Variants in TFDP2 observed in about 807,000 individuals in gnomAD.
TFDP2 encodes transcription factor Dp-2 (E2F dimerization partner 2).
TFDP2 carries 17 observed loss-of-function variants against 59.3 expected under a neutral mutation model. The observed-to-expected ratio is 0.29, with a 90% confidence interval of 0.20 to 0.43. The LOEUF is 0.43. Among genes scored for constraint, TFDP2 ranks in the 20% least tolerant of loss-of-function variants. TFDP2 has a pLI of 1.00. For missense variants in TFDP2, 391 were observed against 528.8 expected, an observed-to-expected ratio of 0.74 and a Z score of 2.56; for synonymous variants, 180 against 194.7, an observed-to-expected ratio of 0.92 and a Z score of 0.63.
At chr3:142,013,769 A>G (rs1204136968) in intron 3 of TFDP2, among the ~76,000 whole-genome samples, 3 of 130,338 alleles carry the variant, frequency 2.3e-5, no homozygotes, top group Non-Finnish European at 5.5e-5. Context: ...TAGACACCAC[A>G]TATTTTTTTT....
intron 3 of TFDP2, chr3:142,043,742 G>C: frequency 2.7e-6 from 4 of 1,477,366 alleles, no homozygotes; most frequent in Non-Finnish European, 3.8e-6. Flanking sequence ...GCCTCAGCCT[G>C]GTCAGCCAGG....
At chr3:142,006,682 G>A (rs1052747700) in intron 3 of TFDP2, among the ~76,000 whole-genome samples, 2 of 151,934 alleles carry the variant, frequency 1.3e-5, no homozygotes, top group Non-Finnish European at 2.9e-5. Context: ...GCCCAGCCTG[G>A]TCTCAAACTC....
Position 142,149,274 on chromosome 3 carries a change from G to A in TFDP2, c.-184C>T, listed in dbSNP as rs747260282. On this transcript the variant is annotated 5_prime_UTR_variant, in exon 1 of 13. Coordinates refer to ENST00000489671, the MANE Select transcript of TFDP2 (RefSeq NM_001178139.2). The stretch of plus-strand genomic sequence containing the variant: ...GGGCGCCGCCGCTTCTGTGGCGCCC[G>A]CGCTTAGGCGGCGGCCGGGTCCCGG... 5.0e-6 allele frequency: 2 copies of A among 396,640 alleles called. No homozygotes were observed. Among genetic ancestry groups the A allele is most frequent in the Non-Finnish European group, 8.9e-6 (2 of 224,742 alleles). 24.6% of individuals were successfully genotyped at this position (396,640 alleles called of 1,614,324 possible).
rs1329083023 is a variant in TFDP2, at chr3:141,948,579, C to T, written c.*3934G>A. The T allele has an allele frequency of 2.0e-5, 3 of 152,736 alleles. No homozygotes were observed. Among genetic ancestry groups the T allele is most frequent in the Non-Finnish European group, 4.4e-5 (3 of 68,796 alleles). 9.5% of individuals were successfully genotyped at this position (152,736 alleles called of 1,614,324 possible). A position where few individuals can be genotyped will look rare whatever the true frequency, so the allele number is the denominator to read the frequency against. On this transcript the variant is annotated 3_prime_UTR_variant, in exon 13 of 13. Transcript: ENST00000489671. ...AAGCTAAATAGGCTCCCCACCGTGC[C>T]CCCCTCTCTCAGTGTGGTTATGGCA...
At chr3:141,969,554 G>A (rs1460137461) in intron 9 of TFDP2, among the ~76,000 whole-genome samples, 1 of 151,978 alleles carries the variant, frequency 6.6e-6, no homozygotes, top group African/African-American at 2.4e-5. Flanking sequence ...AGAGGTTACA[G>A]TGAGCCAAGA....
chr3:142,088,317 T>A (rs1004197309), intron 3 of TFDP2, among the ~76,000 whole-genome samples: 2 of 149,434 alleles, frequency 1.3e-5, no homozygotes, highest in African/African-American at 4.9e-5. Flanking sequence ...AGTCCAGCTA[T>A]CTTTTTTTTT....
intron 3 of TFDP2, among the ~76,000 whole-genome samples, chr3:142,075,619 C>T (rs1443064973): frequency 1.3e-5 from 2 of 151,164 alleles, no homozygotes; most frequent in African/African-American, 4.9e-5. Flanking sequence ...ATCCAGGCCA[C>T]ACATGGTGTC....
chr3:142,058,021 A>C (rs1211510058), intron 3 of TFDP2, among the ~76,000 whole-genome samples: 1 of 152,206 alleles, frequency 6.6e-6, no homozygotes, highest in Non-Finnish European at 1.5e-5. Flanking sequence ...AATAGTCACA[A>C]TTATCTTACA....
In TFDP2 at chr3:141,978,037, C is replaced by CA. The variant is rs542596884; in HGVS notation, c.519+482dup. Among the ~76,000 whole-genome samples, 1,151 of 142,080 alleles carry CA rather than the reference C, an allele frequency of 8.1e-3. 10 individuals carry two copies. Among genetic ancestry groups the CA allele is most frequent in the South Asian group, 0.012 (48 of 4,096 alleles). 93.2% of individuals were successfully genotyped at this position (142,080 alleles called of 152,430 possible). ...ATATTTTTTAAATGTTAAAAAAAAACAAAAAAAAACAAAAAAAACAACTAA... is the reference window on the plus strand; with the variant it reads ...ATATTTTTTAAATGTTAAAAAAAAACAAAAAAAAAACAAAAAAAACAACTAA... On this transcript the variant is annotated intron_variant, in intron 7 of 12. Coordinates refer to ENST00000489671, the MANE Select transcript of TFDP2 (RefSeq NM_001178139.2).
At chr3:142,059,902 T>G (rs1368764397) in intron 3 of TFDP2, among the ~76,000 whole-genome samples, 2 of 152,126 alleles carry the variant, frequency 1.3e-5, no homozygotes, top group Non-Finnish European at 2.9e-5. Context: ...TTTCTTTCCT[T>G]CTATTTGGAA....
rs956574179 is a variant in TFDP2, at chr3:142,132,486, C to A, written c.-93+16697G>T. ...GGTGTGGTGGCTCACACCTGTAATT[C>A]CAGCACTTTGAGACTCTGAGAGGCT... On this transcript the variant is annotated intron_variant, in intron 1 of 12. Coordinates refer to ENST00000489671, the MANE Select transcript of TFDP2 (RefSeq NM_001178139.2). Among the ~76,000 whole-genome samples, 11 of 149,602 alleles carry A rather than the reference C, an allele frequency of 7.4e-5. 1 individual carries two copies. The highest frequency in any genetic ancestry group is 1.3e-4 in the Admixed American group (2 of 15,184).
chr3:141,989,676 C>T lies in TFDP2; in HGVS notation c.356+3862G>A, dbSNP rs920323692. 2.0e-5 allele frequency among the ~76,000 whole-genome samples: 3 copies of T among 152,084 alleles called. No individual in the cohort carries two copies. In the East Asian group the frequency reaches 5.8e-4, roughly 29 times the overall value. Reference sequence around the variant, plus strand: ...TCCAACAATTCATTCTTGCTTTCTACGCAGGTCAACTTTAAGCCTGGAGCC... The same window carrying T: ...TCCAACAATTCATTCTTGCTTTCTATGCAGGTCAACTTTAAGCCTGGAGCC... On this transcript the variant is annotated intron_variant, in intron 6 of 12. Transcript: ENST00000489671.
rs1553761667 is a variant in TFDP2 at position 141,973,124 on chromosome 3, T to TATATA, written c.663+923_663+924insTATAT. Among the ~76,000 whole-genome samples the TATATA allele has an allele frequency of 2.0e-3, 111 of 55,354 alleles. 4 individuals are homozygous for TATATA. The highest frequency in any genetic ancestry group is 8.2e-3 in the Middle Eastern group (1 of 122). The allele number at this position is 55,354 out of a possible 152,430, so 36.3% of individuals were successfully genotyped here. A position where few individuals can be genotyped will look rare whatever the true frequency, so the allele number is the denominator to read the frequency against. ...ATATATATATATATATATATATATA[T>TATATA]TTTTTTTTTTTAAAGATGGAGTCTT... On this transcript the variant is annotated intron_variant, in intron 8 of 12. Transcript: ENST00000489671.
In TFDP2 at chr3:141,974,157, TAA is replaced by T; in HGVS notation, c.552_553del (p.Tyr185Ter). 6.2e-7 allele frequency: 1 copy of T among 1,610,122 alleles called. No individual in the cohort carries two copies. Among genetic ancestry groups the T allele is most frequent in the Non-Finnish European group, 8.5e-7 (1 of 1,178,894 alleles). ...TGCCATTAGCACATTTAAAGCATCA[TAA>T]ACTCTTCGCCTAATGTTCTTCTGAT... On this transcript the variant is annotated frameshift_variant, in exon 8 of 13. Transcript: ENST00000489671. LOFTEE classifies it high-confidence loss of function.
intron 1 of TFDP2, among the ~76,000 whole-genome samples, chr3:142,114,029 A>G (rs1242938701): frequency 6.6e-6 from 1 of 152,084 alleles, no homozygotes; most frequent in African/African-American, 2.4e-5. Flanking sequence ...GCCAGGCGTG[A>G]TGGCGGGCGC....
In TFDP2 at chr3:141,952,467, A is replaced by G. The variant is rs756667832; in HGVS notation, c.*46T>C. The G allele has an allele frequency of 9.5e-6, 14 of 1,475,490 alleles. No individual in the cohort carries two copies. Among genetic ancestry groups the G allele is most frequent in the Non-Finnish European group, 1.3e-5 (14 of 1,115,780 alleles). The allele number at this position is 1,475,490 out of a possible 1,614,324, so 91.4% of individuals were successfully genotyped here. A position where few individuals can be genotyped will look rare whatever the true frequency, so the allele number is the denominator to read the frequency against. ...TTCAAAAACAAGAGCTCACACTACA[A>G]ACACACATGAGCATCACATATTGAA... On this transcript the variant is annotated 3_prime_UTR_variant, in exon 13 of 13. Transcript: ENST00000489671.
chr3:141,968,328 A>ATCTC lies in TFDP2; in HGVS notation c.732+1744_732+1745insGAGA, dbSNP rs1491414398. 7.6e-4 allele frequency among the ~76,000 whole-genome samples: 81 copies of ATCTC among 106,218 alleles called. 1 individual carries two copies. The highest frequency in any genetic ancestry group is 9.8e-4 in the South Asian group (4 of 4,102). 69.7% of individuals were successfully genotyped at this position (106,218 alleles called of 152,430 possible). A position where few individuals can be genotyped will look rare whatever the true frequency, so the allele number is the denominator to read the frequency against. On this transcript the variant is annotated intron_variant, in intron 9 of 12. Transcript: ENST00000489671. Reference sequence around the variant, plus strand: ...ATATATATAACTATATATAACATATAATATATATAATATATAACTATATAT... The same window carrying ATCTC: ...ATATATATAACTATATATAACATATATCTCATATATATAATATATAACTATATAT...
chr3:142,105,826 A>G (rs577730671), intron 1 of TFDP2, among the ~76,000 whole-genome samples: 95 of 152,342 alleles, frequency 6.2e-4, no homozygotes, highest in African/African-American at 2.1e-3. Flanking sequence ...GGATTTCTTA[A>G]GCAAATTTAC....
At chr3:141,968,945 TA>T (rs1315549203) in intron 9 of TFDP2, among the ~76,000 whole-genome samples, 1 of 103,222 alleles carries the variant, frequency 9.7e-6, no homozygotes, top group African/African-American at 3.8e-5. Context: ...CTCATATATA[TA>T]GATATATATA....
Sources: gnomAD v4.1 joint callset for allele counts (sites outside exome capture counted in the v4.1 genomes callset) on GRCh38, gnomAD v4.1.1 for gene constraint, MANE v1.5 for transcripts, NCBI Gene and HGNC (gene_info 2026-07-23, HGNC 2026-07-21) for gene names.